The following EXOSC1 variants were observed in gnomAD, a reference collection of about 807,000 sequenced individuals.
EXOSC1 encodes exosome component 1.
A neutral mutation model predicts 31.4 loss-of-function variants in EXOSC1; 27 were observed. The ratio of observed to expected loss-of-function variants is 0.86; its 90% CI spans 0.63 to 1.18. The LOEUF is 1.18. EXOSC1 is among the 50% of genes most tolerant of loss of function. The pLI, the probability that EXOSC1 is intolerant of heterozygous loss-of-function variation, is 0.00. For missense variants in EXOSC1, 228 were observed against 250.3 expected (o/e 0.91, Z 0.60); for synonymous variants, 84 against 89.5 (o/e 0.94, Z 0.35).
Position 97,443,223 on chromosome 10 carries a change from C to A in EXOSC1, c.222+14G>T. 1.9e-6 allele frequency: 3 copies of A among 1,611,472 alleles called. No homozygotes were observed. Among genetic ancestry groups the A allele is most frequent in the Non-Finnish European group, 2.5e-6 (3 of 1,178,320 alleles). ...GAATGGGCATTCTAAGCATGGAGGT[C>A]AGGACCAACTTACCTTACAGGTTAC... On this transcript the variant is annotated intron_variant, in intron 3 of 7. Transcript: ENST00000370902.
chr10:97,445,062 CAG>C (rs1222117883), intron 2 of EXOSC1: 1 of 152,076 alleles, frequency 6.6e-6, no homozygotes, highest in Non-Finnish European at 1.5e-5. Flanking sequence ...AGAAAAGGAA[CAG>C]AGTTTTTTGT....
At chr10:97,436,794 C>T (rs1175886570) in intron 7 of EXOSC1, among the ~76,000 whole-genome samples, 1 of 152,130 alleles carries the variant, frequency 6.6e-6, no homozygotes, top group Admixed American at 6.5e-5. Context: ...GAGGCCAAGG[C>T]GGGCAGATCA....
chr10:97,441,123 TA>T, intron 4 of EXOSC1, 47 bp downstream of exon 4: 1 of 1,478,324 alleles, frequency 6.8e-7, no homozygotes, highest in Non-Finnish European at 9.4e-7. Flanking sequence ...TAGTCTATCC[TA>T]ATCTTATTCC....
rs142445171 is a variant in EXOSC1, at chr10:97,436,360, G to T, written c.*85C>A. The T allele has an allele frequency of 9.9e-7, 1 of 1,005,466 alleles. No homozygotes were observed. Among genetic ancestry groups the T allele is most frequent in the Admixed American group, 2.1e-5 (1 of 47,754 alleles). The allele number at this position is 1,005,466 out of a possible 1,614,324, so 62.3% of individuals were successfully genotyped here. On this transcript the variant is annotated 3_prime_UTR_variant, in exon 8 of 8. Coordinates refer to ENST00000370902, the MANE Select transcript of EXOSC1 (RefSeq NM_016046.5). ...TTTCTGGAAGTGGCTGTTGGCCGAC[G>T]CCAGGTGTTTGAATAAAGACAGCAG...
chr10:97,445,621 T>C (rs1366732474), intron 2 of EXOSC1, 111 bp downstream of exon 2: 24 of 924,996 alleles, frequency 2.6e-5, no homozygotes, highest in Non-Finnish European at 3.8e-5. Flanking sequence ...GAGACCAACA[T>C]TGTACCACTG....
At chr10:97,437,636 C>T (rs1845582759) in intron 6 of EXOSC1, 64 bp downstream of exon 6, 3 of 1,520,644 alleles carry the variant, frequency 2.0e-6, no homozygotes, top group Non-Finnish European at 2.7e-6. Flanking sequence ...GCATGAGCCA[C>T]CACACCCGGC....
Position 97,440,927 on chromosome 10 carries a change from C to T in EXOSC1, c.311+244G>A, listed in dbSNP as rs370013384. 7.0e-4 allele frequency: 220 copies of T among 316,032 alleles called. 1 individual carries two copies. Among genetic ancestry groups the T allele is most frequent in the African/African-American group, 4.4e-3 (200 of 45,828 alleles). The allele number at this position is 316,032 out of a possible 1,614,324, so 19.6% of individuals were successfully genotyped here. A position where few individuals can be genotyped will look rare whatever the true frequency, so the allele number is the denominator to read the frequency against. ...TCAGCTTCTCAAAGTGCTAGGATAA[C>T]AGGCGTGAGCCACCGCGCCCAGCCT... On this transcript the variant is annotated intron_variant, in intron 4 of 7. Transcript: ENST00000370902.
chr10:97,438,363 C>G (rs138659743), intron 5 of EXOSC1, among the ~76,000 whole-genome samples: 1 of 151,724 alleles, frequency 6.6e-6, no homozygotes, highest in African/African-American at 2.4e-5. Flanking sequence ...ACTACAGGTG[C>G]GTGCCACCAC....
In EXOSC1 at chr10:97,445,775, G is replaced by C; in HGVS notation, c.104C>G (p.Ser35Trp). ...CTTCATCAGACAGCCGGCAAGCGACGAAAAGATGTAGCCGTGGCGGGTGTA... is the reference window on the plus strand; with the variant it reads ...CTTCATCAGACAGCCGGCAAGCGACCAAAAGATGTAGCCGTGGCGGGTGTA... ...GTYTRHGYIF[S>W]SLAGCLMKSS... The change falls in exon 2 of 8, where the codon TCG (serine) becomes TGG (tryptophan). Residue 35 changes from serine to tryptophan, a missense_variant. Ser to Trp is a radical substitution (Grantham distance 177). Coordinates refer to ENST00000370902, the MANE Select transcript of EXOSC1 (RefSeq NM_016046.5). 4 of 1,613,906 alleles carry C rather than the reference G, an allele frequency of 2.5e-6. No individual in the cohort carries two copies. The highest frequency in any genetic ancestry group is 3.4e-6 in the Non-Finnish European group (4 of 1,179,792).
intron 3 of EXOSC1, among the ~76,000 whole-genome samples, chr10:97,442,177 C>CA (rs56821235): frequency 0.48 from 67,975 of 140,214 alleles, 16,366 homozygotes; most frequent in African/African-American, 0.63. Flanking sequence ...GGCCCTGTCT[C>CA]AAAAAAAAAA....
At position 97,443,149 on chromosome 10, in the gene EXOSC1, G is replaced by A. The variant is rs1053023409; in HGVS notation, c.222+88C>T. 8.5e-5 allele frequency: 90 copies of A among 1,062,426 alleles called. 1 individual carries two copies. The Admixed American group carries it at 1.0e-3, about 12-fold the overall frequency. 65.8% of individuals were successfully genotyped at this position (1,062,426 alleles called of 1,614,324 possible). The stretch of plus-strand genomic sequence containing the variant: ...CAGAAATAAATTTATGTAGCTTGTG[G>A]CTATCATACTGGACACTGCAGTTCT... On this transcript the variant is annotated intron_variant, in intron 3 of 7. Coordinates refer to ENST00000370902, the MANE Select transcript of EXOSC1 (RefSeq NM_016046.5).
At chr10:97,437,585 T>A (rs1845580907) in intron 6 of EXOSC1, 115 bp downstream of exon 6, 1 of 924,458 alleles carries the variant, frequency 1.1e-6, no homozygotes, top group South Asian at 1.4e-5. Context: ...TGACCTCAGG[T>A]GATCCACCCG....
chr10:97,437,675 G>C (rs757765533), intron 6 of EXOSC1, 25 bp downstream of exon 6: 3 of 1,610,404 alleles, frequency 1.9e-6, no homozygotes, highest in African/African-American at 1.3e-5. Flanking sequence ...CAAAGGACCA[G>C]AAGTCTGCTG....
rs114995838 is a variant in EXOSC1, at chr10:97,437,884, G to T, written c.346-134C>A. On this transcript the variant is annotated intron_variant, in intron 5 of 7. Coordinates refer to ENST00000370902, the MANE Select transcript of EXOSC1 (RefSeq NM_016046.5). ...ATCATCATTACTCATGTCAAGTCAA[G>T]AACTTTTAATTGCTTCTACAGTATT... 503 of 737,444 alleles carry T rather than the reference G, an allele frequency of 6.8e-4. 5 individuals carry two copies. In the African/African-American group the frequency reaches 8.4e-3, roughly 12 times the overall value. 45.7% of individuals were successfully genotyped at this position (737,444 alleles called of 1,614,324 possible).
At chr10:97,437,149 A>G (rs1182007843) in intron 7 of EXOSC1, 42 bp downstream of exon 7, 1 of 1,541,036 alleles carries the variant, frequency 6.5e-7, no homozygotes, top group East Asian at 2.2e-5. Context: ...CCCAAACCAT[A>G]GATCCAGGGA....
intron 7 of EXOSC1, among the ~76,000 whole-genome samples, chr10:97,436,778 C>T (rs913680448): frequency 1.3e-5 from 2 of 152,330 alleles, no homozygotes; most frequent in African/African-American, 2.4e-5. Context: ...AATCCCAGCA[C>T]TTTGGGAGGC....
In EXOSC1 at chr10:97,437,230, C is replaced by T. The variant is rs775694035; in HGVS notation, c.442G>A (p.Glu148Lys). The T allele has an allele frequency of 8.1e-6, 13 of 1,613,954 alleles. No individual in the cohort carries two copies. Among genetic ancestry groups the T allele is most frequent in the East Asian group, 6.7e-5 (3 of 44,890 alleles). ...GCTACCACCACTCCCAGCTCGTTCT[C>T]GGCGGTGGTTAGCAGGTAGTTGGAC... ...AQSNYLLTTA[E>K]NELGVVVAHS... The change falls in exon 7 of 8, where the codon GAG becomes AAG. Residue 148 changes from glutamate (E) to lysine (K), a missense_variant. Coordinates refer to ENST00000370902, the MANE Select transcript of EXOSC1 (RefSeq NM_016046.5).
At chr10:97,441,547 A>G (rs1169305848) in intron 3 of EXOSC1, among the ~76,000 whole-genome samples, 1 of 148,038 alleles carries the variant, frequency 6.8e-6, no homozygotes, top group Admixed American at 6.8e-5. Flanking sequence ...CTGGAGTGCA[A>G]TGGCGCGATC....
intron 5 of EXOSC1, among the ~76,000 whole-genome samples, chr10:97,438,191 A>T (rs1449929442): frequency 6.6e-6 from 1 of 152,004 alleles, no homozygotes; most frequent in African/African-American, 2.4e-5. Flanking sequence ...AGCTGGGATT[A>T]CAGGTGTGAT....
Sources: allele counts gnomAD v4.1 joint callset (sites outside exome capture counted in the v4.1 genomes callset), GRCh38; gene constraint gnomAD v4.1.1; transcripts MANE v1.5; gene names NCBI Gene and HGNC (gene_info 2026-07-23, HGNC 2026-07-21).